CATSPERD: variants seen among roughly 807,000 people sequenced by gnomAD.
CATSPERD encodes cation channel sperm-associated auxiliary subunit delta.
A neutral mutation model predicts 98.1 loss-of-function variants in CATSPERD; 86 were observed. The ratio of observed to expected loss-of-function variants is 0.88; its 90% CI spans 0.74 to 1.05. The LOEUF (loss-of-function observed/expected upper bound fraction) is 1.05. Among genes scored for constraint, CATSPERD ranks in the 50% least tolerant of loss-of-function variants. The pLI, the probability that CATSPERD is intolerant of heterozygous loss-of-function variation, is 0.00. For synonymous variants in CATSPERD, 394 were observed against 390.2 expected (o/e 1.01, Z -0.12); for missense variants, 995 against 1,005.7 (o/e 0.99, Z 0.14).
At chr19:5,752,040 G>T (rs1352208221) in intron 12 of CATSPERD, among the ~76,000 whole-genome samples, 2 of 151,986 alleles carry the variant, frequency 1.3e-5, no homozygotes, top group East Asian at 3.9e-4. Flanking sequence ...GCCAGGTACG[G>T]TGGGAGACTT....
At chr19:5,751,121 C>T (rs139516952) in intron 11 of CATSPERD, among the ~76,000 whole-genome samples, 1 of 142,926 alleles carries the variant, frequency 7.0e-6, no homozygotes, top group East Asian at 2.1e-4. Context: ...TCGCTTGAAC[C>T]CGGGAGGCGG....
chr19:5,774,955 C>T (rs1370480770), intron 20 of CATSPERD, among the ~76,000 whole-genome samples: 3 of 151,502 alleles, frequency 2.0e-5, no homozygotes, highest in African/African-American at 4.9e-5. Flanking sequence ...AGGTAGACAT[C>T]GCGGTGATCC....
intron 16 of CATSPERD, among the ~76,000 whole-genome samples, 153 bp from the exon 17 acceptor site, chr19:5,765,950 C>T (rs966913619): frequency 3.9e-5 from 6 of 152,090 alleles, no homozygotes; most frequent in East Asian, 1.9e-4. Context: ...GCTGCAGTTA[C>T]GGTGCATCCC....
intron 18 of CATSPERD, among the ~76,000 whole-genome samples, chr19:5,768,825 T>A (rs2056592513): frequency 6.6e-6 from 1 of 151,830 alleles, no homozygotes; most frequent in African/African-American, 2.4e-5. Context: ...TGGGCCTCAG[T>A]CAATTTGTGC....
Position 5,720,919 on chromosome 19 carries a change from T to C in CATSPERD, c.71+111T>C. On this transcript the variant is annotated intron_variant, in intron 1 of 21. Transcript: ENST00000381624. Reference sequence around the variant, plus strand: ...AACCTCACTGAGGCTCCCCTTTTACTCTTTTTAGGAATCGAACTTGACGCC... The same window carrying C: ...AACCTCACTGAGGCTCCCCTTTTACCCTTTTTAGGAATCGAACTTGACGCC... 3.6e-6 allele frequency: 3 copies of C among 835,794 alleles called. No homozygotes were observed. In the South Asian group the frequency reaches 5.3e-5, roughly 15 times the overall value. The allele number at this position is 835,794 out of a possible 1,614,324, so 51.8% of individuals were successfully genotyped here.
chr19:5,725,740 G>C (rs944774419), intron 2 of CATSPERD, among the ~76,000 whole-genome samples: 1 of 151,768 alleles, frequency 6.6e-6, no homozygotes, highest in Non-Finnish European at 1.5e-5. Context: ...GTCTCTACTA[G>C]AAATACAGAA....
chr19:5,732,999 T>G (rs2055758158), intron 4 of CATSPERD, among the ~76,000 whole-genome samples: 1 of 151,846 alleles, frequency 6.6e-6, no homozygotes. Flanking sequence ...TTTCTTTTCT[T>G]TCTTTTTCTT....
At chr19:5,773,890 A>G (rs2056693924) in intron 20 of CATSPERD, among the ~76,000 whole-genome samples, 1 of 151,860 alleles carries the variant, frequency 6.6e-6, no homozygotes, top group Admixed American at 6.6e-5. Flanking sequence ...TTCCCGGGAC[A>G]CAATGTTTTG....
At chr19:5,741,800 G>GGGGGGGGGGGGGGGT (rs2055976568) in intron 7 of CATSPERD, among the ~76,000 whole-genome samples, 1 of 75,744 alleles carries the variant, frequency 1.3e-5, no homozygotes, top group Non-Finnish European at 3.3e-5. Flanking sequence ...GGGGGGGGGT[G>GGGGGGGGGGGGGGGT]GTGTGGATCA....
intron 11 of CATSPERD, among the ~76,000 whole-genome samples, chr19:5,750,055 A>C (rs1599552278): frequency 1.3e-5 from 2 of 151,070 alleles, no homozygotes; most frequent in African/African-American, 2.4e-5. Flanking sequence ...CCACCCGCCT[A>C]GGCCTCCCAA....
chr19:5,746,035 G>GAAC lies in CATSPERD; in HGVS notation c.782_784dup (p.Asn261dup). 6.2e-7 allele frequency: 1 copy of GAAC among 1,614,074 alleles called. No homozygotes were observed. The highest frequency in any genetic ancestry group is 8.5e-7 in the Non-Finnish European group (1 of 1,180,016). ...GAGGCATCCTGCTCCTATGGTTTGA[G>GAAC]AACAGCCTGTTGTTTTCCCATAATG... On this transcript the variant is annotated inframe_insertion, in exon 9 of 22. Coordinates refer to ENST00000381624, the MANE Select transcript of CATSPERD (RefSeq NM_152784.4).
intron 1 of CATSPERD, among the ~76,000 whole-genome samples, chr19:5,724,560 G>T (rs887341395): frequency 6.6e-6 from 1 of 152,154 alleles, no homozygotes; most frequent in Non-Finnish European, 1.5e-5. Flanking sequence ...TTAGCTAGGT[G>T]TTGTGGCGCG....
intron 8 of CATSPERD, among the ~76,000 whole-genome samples, chr19:5,745,390 G>A (rs763145248): frequency 4.6e-5 from 7 of 152,016 alleles, no homozygotes; most frequent in African/African-American, 7.2e-5. Flanking sequence ...AGTCCGAGGC[G>A]GGCAGATCAT....
intron 1 of CATSPERD, among the ~76,000 whole-genome samples, chr19:5,721,486 T>C (rs2055475422): frequency 6.6e-6 from 1 of 152,130 alleles, no homozygotes; most frequent in African/African-American, 2.4e-5. Context: ...GTTAGGTTAG[T>C]GCATACTCCA....
At chr19:5,741,783 G>A (rs2055968853) in intron 7 of CATSPERD, among the ~76,000 whole-genome samples, 1 of 85,988 alleles carries the variant, frequency 1.2e-5, no homozygotes, top group Non-Finnish European at 2.7e-5. Flanking sequence ...GGATGCTGAA[G>A]GCGGGGGGGG....
rs143692878 is a variant in CATSPERD, at chr19:5,746,120, G to A, written c.808+57G>A. Reference sequence around the variant, plus strand: ...CCTGGTGGCCTCCTCCAGAGGGGCCGAGTACAGCCTGGATAAGGGGAGGGG... The same window carrying A: ...CCTGGTGGCCTCCTCCAGAGGGGCCAAGTACAGCCTGGATAAGGGGAGGGG... On this transcript the variant is annotated intron_variant, in intron 9 of 21. Transcript: ENST00000381624. The A allele has an allele frequency of 2.2e-3, 3,526 of 1,587,978 alleles. 68 individuals carry two copies. The African/African-American group carries it at 0.041, about 18-fold the overall frequency.
Position 5,760,486 on chromosome 19 carries a change from C to T in CATSPERD, c.1427+1342C>T, listed in dbSNP as rs116337808. Among the ~76,000 whole-genome samples, 1,306 of 150,722 alleles carry T rather than the reference C, an allele frequency of 8.7e-3. 25 individuals carry two copies. Among genetic ancestry groups the T allele is most frequent in the African/African-American group, 0.031 (1,255 of 41,042 alleles). ...GGACAACATGCTCAGTGCAATAAGC[C>T]GGATACAAAAGGACAAATCCTGTGT... On this transcript the variant is annotated intron_variant, in intron 15 of 21. Transcript: ENST00000381624.
chr19:5,740,383 T>G (rs998111710), intron 7 of CATSPERD, among the ~76,000 whole-genome samples: 69 of 150,234 alleles, frequency 4.6e-4, no homozygotes, highest in African/African-American at 1.6e-3. Context: ...AGGTCAGGAG[T>G]TCGAGACCAG....
chr19:5,776,601 G>T (rs1374697277), intron 21 of CATSPERD, among the ~76,000 whole-genome samples: 1 of 152,204 alleles, frequency 6.6e-6, no homozygotes, highest in Non-Finnish European at 1.5e-5. Context: ...CATGGCTAGA[G>T]TGTGCTGATG....
Sources: gnomAD v4.1 joint callset for allele counts (sites outside exome capture counted in the v4.1 genomes callset) on GRCh38, gnomAD v4.1.1 for gene constraint, MANE v1.5 for transcripts, NCBI Gene and HGNC (gene_info 2026-07-23, HGNC 2026-07-21) for gene names.